ZNF444: variants seen among roughly 807,000 people sequenced by gnomAD.
ZNF444 encodes endothelial zinc finger protein 2.
In ZNF444, 8 loss-of-function variants were observed where a neutral mutation model predicts 14.4. That is an observed-to-expected ratio of 0.56 (90% CI 0.33 to 1.00). ZNF444 has a LOEUF of 1.00. Ranked by LOEUF, ZNF444 falls within the 50% of genes least tolerant of loss-of-function variation. ZNF444 has a pLI of 0.03. For synonymous variants in ZNF444, 258 were observed against 235.9 expected (o/e 1.09, Z -0.86); for missense variants, 510 against 504.8 (o/e 1.01, Z -0.10).
chr19:56,160,007 C>T lies in ZNF444; in HGVS notation c.790C>T (p.His264Tyr). 1 of 1,513,268 alleles carries T rather than the reference C, an allele frequency of 6.6e-7. No homozygotes were observed. Among genetic ancestry groups the T allele is most frequent in the Non-Finnish European group, 8.8e-7 (1 of 1,136,136 alleles). 93.7% of individuals were successfully genotyped at this position (1,513,268 alleles called of 1,614,324 possible). Reference sequence around the variant, plus strand: ...TGGCAAGACCTTCTACTGGCGCGAGCACCTGGTGCGCCACCGCAAGACGCA... The same window carrying T: ...TGGCAAGACCTTCTACTGGCGCGAGTACCTGGTGCGCCACCGCAAGACGCA... ...ECGKTFYWRE[H>Y]LVRHRKTHSG... The change falls in exon 5 of 5, where the codon CAC (histidine) becomes TAC (tyrosine). Residue 264 changes from histidine to tyrosine, a missense_variant. Physicochemically the swap from His to Tyr is moderately conservative, Grantham distance 83. Transcript: ENST00000337080.
rs779115309 is a variant in ZNF444, at chr19:56,160,210, C to T, written c.*9C>T. Reference sequence around the variant, plus strand: ...CCTGGCCCTTGGGTTAGCCGCCTCCCGGCCAGCGCCATCTCCCGCCCTTGG... The same window carrying T: ...CCTGGCCCTTGGGTTAGCCGCCTCCTGGCCAGCGCCATCTCCCGCCCTTGG... On this transcript the variant is annotated 3_prime_UTR_variant, in exon 5 of 5. Coordinates refer to ENST00000337080, the MANE Select transcript of ZNF444 (RefSeq NM_018337.4). 1.5e-5 allele frequency: 22 copies of T among 1,429,808 alleles called. No homozygotes were observed. Among genetic ancestry groups the T allele is most frequent in the Admixed American group, 6.2e-5 (2 of 32,508 alleles). The allele number at this position is 1,429,808 out of a possible 1,614,324, so 88.6% of individuals were successfully genotyped here. A position where few individuals can be genotyped will look rare whatever the true frequency, so the allele number is the denominator to read the frequency against.
intron 1 of ZNF444, chr19:56,141,661 G>GCGGGA (rs77341219): frequency 1.7e-5 from 2 of 120,294 alleles, no homozygotes; most frequent in African/African-American, 6.1e-5. Flanking sequence ...AGGGGGAGGG[G>GCGGGA]CGGGACGGGG....
At chr19:56,133,601 A>G (rs1599978495) in intron 1 of ZNF444, among the ~76,000 whole-genome samples, 1 of 148,784 alleles carries the variant, frequency 6.7e-6, no homozygotes, top group Non-Finnish European at 1.5e-5. Flanking sequence ...TCACAAGGTC[A>G]GGAGATCAAG....
chr19:56,139,089 C>A (rs886426090), upstream of ZNF444, among the ~76,000 whole-genome samples: 1 of 151,976 alleles, frequency 6.6e-6, no homozygotes, highest in African/African-American at 2.4e-5. Context: ...CCACCACACC[C>A]GGCCTAGCTT....
At chr19:56,148,045 C>CAAG (rs60772303) in intron 3 of ZNF444, among the ~76,000 whole-genome samples, 1 of 151,992 alleles carries the variant, frequency 6.6e-6, no homozygotes, top group Non-Finnish European at 1.5e-5. Context: ...AGAGTCCTGT[C>CAAG]GGGGGATGTG....
chr19:56,132,940 T>TTC (rs2030519261), intron 1 of ZNF444, among the ~76,000 whole-genome samples: 1 of 121,814 alleles, frequency 8.2e-6, no homozygotes, highest in African/African-American at 3.0e-5. Context: ...TCTTTCTTTT[T>TTC]TTTTTTTTTT....
chr19:56,137,548 G>A (rs2631626), upstream of ZNF444, among the ~76,000 whole-genome samples: 6 of 152,194 alleles, frequency 3.9e-5, no homozygotes, highest in South Asian at 6.2e-4. Flanking sequence ...GTGTTGGATC[G>A]AGAGCCTGTG....
In ZNF444 at chr19:56,159,885, G is replaced by A. The variant is rs867836392; in HGVS notation, c.668G>A (p.Arg223Gln). 3 of 1,526,906 alleles carry A rather than the reference G, an allele frequency of 2.0e-6. No individual in the cohort carries two copies. Among genetic ancestry groups the A allele is most frequent in the East Asian group, 2.5e-5 (1 of 40,118 alleles). 94.6% of individuals were successfully genotyped at this position (1,526,906 alleles called of 1,614,324 possible). The change falls in exon 5 of 5, where the codon CGG becomes CAG. Residue 223 changes from arginine (R) to glutamine (Q), a missense_variant. Transcript: ENST00000337080. ...GKAFRRKEHL[R>Q]RHRDTHPGSP... The stretch of plus-strand genomic sequence containing the variant: ...GCCTTTCGGCGCAAGGAGCACCTGC[G>A]GCGCCACCGCGACACGCACCCCGGC...
intron 1 of ZNF444, among the ~76,000 whole-genome samples, chr19:56,135,839 G>A (rs953338645): frequency 6.6e-6 from 1 of 151,820 alleles, no homozygotes; most frequent in Admixed American, 6.6e-5. Flanking sequence ...AGCACTTCGG[G>A]AGGCTGAGGT....
chr19:56,159,593 AC>A, intron 4 of ZNF444, 30 bp from the exon 5 acceptor site: 2 of 1,417,628 alleles, frequency 1.4e-6, no homozygotes, highest in East Asian at 5.3e-5. Context: ...CCTCGTGCCG[AC>A]CCAGATGCTG....
upstream of ZNF444, among the ~76,000 whole-genome samples, chr19:56,136,543 T>C (rs1308555689): frequency 6.6e-6 from 1 of 152,176 alleles, no homozygotes; most frequent in Non-Finnish European, 1.5e-5. Flanking sequence ...TAAGTAAGAA[T>C]AGCAAGTGTT....
chr19:56,155,180 A>G (rs1300951797), intron 3 of ZNF444: 1 of 152,384 alleles, frequency 6.6e-6, no homozygotes, highest in African/African-American at 2.4e-5. Flanking sequence ...GATGACAACC[A>G]GCCAAGGGAA....
At chr19:56,135,263 G>C (rs1370419795) in intron 1 of ZNF444, among the ~76,000 whole-genome samples, 1 of 152,126 alleles carries the variant, frequency 6.6e-6, no homozygotes, top group African/African-American at 2.4e-5. Flanking sequence ...GATAGCCACA[G>C]CTGGGCATTC....
intron 3 of ZNF444, among the ~76,000 whole-genome samples, chr19:56,148,947 TC>T (rs1420947234): frequency 1.3e-5 from 2 of 152,130 alleles, no homozygotes; most frequent in African/African-American, 4.8e-5. Context: ...CTTTTCCAGC[TC>T]CTAGAGGCTG....
At chr19:56,159,488 A>C (rs1034046576) in intron 4 of ZNF444, 136 bp from the exon 5 acceptor site, 3 of 696,498 alleles carry the variant, frequency 4.3e-6, no homozygotes, top group African/African-American at 3.8e-5. Context: ...TATGAATAAG[A>C]AGCCCACAGC....
chr19:56,159,773 A>G lies in ZNF444; in HGVS notation c.556A>G (p.Lys186Glu). Residue 186 changes from lysine (K) to glutamate (E), a missense_variant, in exon 5 of 5, where the codon AAA becomes GAA. Physicochemically the swap from Lys to Glu is moderately conservative, Grantham distance 56. Transcript: ENST00000337080. ...PGTTSCPECG[K>E]TSLKPAHLLR... ...CACCACGTCCTGCCCCGAGTGCGGC[A>G]AAACGTCCCTGAAACCAGCTCACCT... The G allele has an allele frequency of 6.3e-7, 1 of 1,594,596 alleles. No homozygotes were observed. Among genetic ancestry groups the G allele is most frequent in the Admixed American group, 1.7e-5 (1 of 58,724 alleles).
In ZNF444 at chr19:56,146,968, G is replaced by A. The variant is rs750390698; in HGVS notation, c.57G>A (p.Pro19=). The A allele has an allele frequency of 2.1e-6, 3 of 1,443,318 alleles. No homozygotes were observed. Among genetic ancestry groups the A allele is most frequent in the East Asian group, 2.8e-5 (1 of 35,180 alleles). The allele number at this position is 1,443,318 out of a possible 1,614,324, so 89.4% of individuals were successfully genotyped here. ...CCGAGGGCCTGGCGCTGGACTCCCC[G>A]TGGCACCGCTTCCGCCGCTTCCACC... ...QEAEGLALDS[P]WHRFRRFHLG... Residue 19 remains proline, a synonymous_variant, in exon 3 of 5, where the codon CCG becomes CCA. Transcript: ENST00000337080.
At chr19:56,146,815 T>C in intron 2 of ZNF444, 75 bp from the exon 3 acceptor site, 3 of 1,099,826 alleles carry the variant, frequency 2.7e-6, no homozygotes, top group Non-Finnish European at 1.2e-6. Context: ...AAAAAGAGCG[T>C]TGGTCCCATT....
rs1451599190 is a variant in ZNF444 at position 56,144,096 on chromosome 19, T to G, written c.-196-2151T>G. On this transcript the variant is annotated intron_variant, in intron 1 of 4. Coordinates refer to ENST00000337080, the MANE Select transcript of ZNF444 (RefSeq NM_018337.4). This position sits in a 1 kb window ranked among gnomAD's most constrained non-coding sequence, Gnocchi z 4.0. ...GGCTGAGGTGGGAGGATCACTTGAG[T>G]CCAGCAGTTTGAGACCAGCCTGGGC... 2.0e-5 allele frequency among the ~76,000 whole-genome samples: 3 copies of G among 151,980 alleles called. No individual in the cohort carries two copies. In the East Asian group the frequency reaches 5.8e-4, roughly 29 times the overall value.
Sources: allele counts gnomAD v4.1 joint callset (sites outside exome capture counted in the v4.1 genomes callset), GRCh38; gene constraint gnomAD v4.1.1; non-coding constraint Gnocchi (gnomAD v3.1); transcripts MANE v1.5; gene names NCBI Gene and HGNC (gene_info 2026-07-23, HGNC 2026-07-21).